Variants in SPINT2 observed in about 807,000 individuals in gnomAD.
SPINT2 encodes the protein kunitz-type protease inhibitor 2.
In SPINT2, 18 loss-of-function variants were observed where a neutral mutation model predicts 30.1. The ratio of observed to expected loss-of-function variants is 0.60; its 90% CI spans 0.41 to 0.89. The LOEUF (loss-of-function observed/expected upper bound fraction) is 0.89, where lower values mean the gene tolerates loss of function less well. Ranked by LOEUF, SPINT2 falls within the 40% of genes least tolerant of loss-of-function variation. SPINT2 has a pLI of 0.00. For synonymous variants in SPINT2, 139 were observed against 137.9 expected (o/e 1.01, Z -0.05); for missense variants, 276 against 334.3 (o/e 0.83, Z 1.36).
intron 1 of SPINT2, among the ~76,000 whole-genome samples, chr19:38,282,768 G>A (rs144571323): frequency 9.0e-4 from 137 of 152,338 alleles, no homozygotes; most frequent in Non-Finnish European, 1.4e-3. Flanking sequence ...GCAGGCACTC[G>A]AGTTAAGAAG....
intron 1 of SPINT2, among the ~76,000 whole-genome samples, chr19:38,279,891 T>G (rs566292088): frequency 6.6e-6 from 1 of 152,288 alleles, no homozygotes; most frequent in South Asian, 2.1e-4. Flanking sequence ...TGACCTCAGG[T>G]GATCCGCCCA....
chr19:38,276,368 C>T (rs1360007690), intron 1 of SPINT2, among the ~76,000 whole-genome samples: 1 of 151,956 alleles, frequency 6.6e-6, no homozygotes, highest in South Asian at 2.1e-4. Context: ...TGGGGCCAGG[C>T]GTGGTGGCTC....
At chr19:38,289,737 C>A in intron 4 of SPINT2, 1 of 330,380 alleles carries the variant, frequency 3.0e-6, no homozygotes, top group Non-Finnish European at 5.8e-6. Context: ...TAGCCTGGCA[C>A]GTGGCTCTGC....
At chr19:38,277,355 C>T (rs1251976654) in intron 1 of SPINT2, among the ~76,000 whole-genome samples, 3 of 152,066 alleles carry the variant, frequency 2.0e-5, no homozygotes, top group African/African-American at 7.2e-5. Context: ...GGTGATCCTC[C>T]TACCTTAGCC....
chr19:38,274,206 A>T (rs892500664), intron 1 of SPINT2, among the ~76,000 whole-genome samples: 2 of 150,344 alleles, frequency 1.3e-5, no homozygotes, highest in Admixed American at 1.3e-4. Context: ...AGCCTGGGTG[A>T]CAGGGCAAGT....
chr19:38,290,181 G>A lies in SPINT2; in HGVS notation c.454G>A (p.Asp152Asn). The A allele has an allele frequency of 1.9e-6, 3 of 1,612,638 alleles. No homozygotes were observed. Among genetic ancestry groups the A allele is most frequent in the Non-Finnish European group, 2.5e-6 (3 of 1,180,040 alleles). The change falls in exon 5 of 7, where the codon GAC becomes AAC. Residue 152 changes from aspartate (D) to asparagine (N), a missense_variant. Asp to Asn is a conservative substitution (Grantham distance 23). Transcript: ENST00000301244. This position sits in a 1 kb window ranked among gnomAD's most constrained non-coding sequence, Gnocchi z 4.3. ...TGCATCCTTCCCACGCTGGTACTTT[G>A]ACGTGGAGAGGAACTCCTGCAATAA... ...CRASFPRWYF[D>N]VERNSCNNFI...
Position 38,292,111 on chromosome 19 carries a change from C to T in SPINT2, c.*105C>T. 1 of 1,481,698 alleles carries T rather than the reference C, an allele frequency of 6.7e-7. No homozygotes were observed. The highest frequency in any genetic ancestry group is 9.1e-7 in the Non-Finnish European group (1 of 1,093,748). 91.8% of individuals were successfully genotyped at this position (1,481,698 alleles called of 1,614,324 possible). On this transcript the variant is annotated 3_prime_UTR_variant, in exon 7 of 7. Coordinates refer to ENST00000301244, the MANE Select transcript of SPINT2 (RefSeq NM_021102.4). ...TTTGAGTGATCATTAGGGCTGAGGT[C>T]TGTTTCTCTGGGAGGTAGGACGGCT...
At chr19:38,291,598 C>A (rs890015049) in intron 6 of SPINT2, 3 of 535,722 alleles carry the variant, frequency 5.6e-6, no homozygotes, top group Admixed American at 3.2e-5. Flanking sequence ...ACTCTGCTGG[C>A]GACACGGCCA....
intron 1 of SPINT2, among the ~76,000 whole-genome samples, chr19:38,279,709 G>A (rs1176066873): frequency 2.6e-5 from 4 of 151,926 alleles, no homozygotes; most frequent in African/African-American, 9.7e-5. Context: ...GCTGGAGTGC[G>A]ATGGCAAGAT....
At chr19:38,283,587 TTGC>T in intron 1 of SPINT2, 37 bp from the exon 2 acceptor site, 1 of 1,612,930 alleles carries the variant, frequency 6.2e-7, no homozygotes, top group Non-Finnish European at 8.5e-7. Flanking sequence ...GTTGCCAGGA[TTGC>T]CCTGCCAAGC....
At chr19:38,280,696 G>A (rs753224838) in intron 1 of SPINT2, among the ~76,000 whole-genome samples, 7 of 151,926 alleles carry the variant, frequency 4.6e-5, no homozygotes, top group Non-Finnish European at 5.9e-5. Context: ...CCTTACTTAC[G>A]AAGTTACCGA....
intron 2 of SPINT2, 101 bp downstream of exon 2, chr19:38,283,898 G>T: frequency 1.5e-6 from 2 of 1,375,072 alleles, no homozygotes; most frequent in Non-Finnish European, 2.0e-6. Context: ...CTGGAGTGCA[G>T]TGGCGCGATC....
intron 1 of SPINT2, among the ~76,000 whole-genome samples, chr19:38,270,370 A>C (rs1479895878): frequency 6.6e-6 from 1 of 152,232 alleles, no homozygotes; most frequent in Non-Finnish European, 1.5e-5. Context: ...TCACTGATAT[A>C]GTCAGCAAAT....
chr19:38,279,064 C>G (rs1330675139), intron 1 of SPINT2, among the ~76,000 whole-genome samples: 1 of 151,978 alleles, frequency 6.6e-6, no homozygotes, highest in Non-Finnish European at 1.5e-5. Context: ...CGAGGAGCTT[C>G]CTTCCATACT....
chr19:38,285,004 C>T (rs1381451109), intron 2 of SPINT2, among the ~76,000 whole-genome samples: 1 of 152,170 alleles, frequency 6.6e-6, no homozygotes, highest in Non-Finnish European at 1.5e-5. Context: ...GTGTAAGCCA[C>T]CGCACCTGGC....
At chr19:38,279,101 G>T (rs1321141188) in intron 1 of SPINT2, among the ~76,000 whole-genome samples, 2 of 151,800 alleles carry the variant, frequency 1.3e-5, no homozygotes, top group East Asian at 3.9e-4. Context: ...TCTTAACATA[G>T]TAAGGACATG....
Position 38,264,799 on chromosome 19 carries a change from C to G in SPINT2, c.-94C>G, listed in dbSNP as rs539672572. The G allele has an allele frequency of 9.1e-5, 122 of 1,336,138 alleles. 2 individuals carry two copies. The South Asian group carries it at 1.5e-3, about 17-fold the overall frequency. The allele number at this position is 1,336,138 out of a possible 1,614,324, so 82.8% of individuals were successfully genotyped here. A position where few individuals can be genotyped will look rare whatever the true frequency, so the allele number is the denominator to read the frequency against. On this transcript the variant is annotated 5_prime_UTR_variant, in exon 1 of 7. Coordinates refer to ENST00000301244, the MANE Select transcript of SPINT2 (RefSeq NM_021102.4). ...AGCGTCGGCACCTGAACGCGAGGCG[C>G]TCCATTGCGCGTGCGCGTTGAGGGG... is the stretch of plus-strand genomic sequence containing the variant.
chr19:38,275,182 T>C (rs12610606), intron 1 of SPINT2, among the ~76,000 whole-genome samples: 22,035 of 152,226 alleles, frequency 0.14, 1,906 homozygotes, highest in East Asian at 0.37. Context: ...AAACTCCCCT[T>C]AGAAATTCTT....
At chr19:38,285,016 G>A (rs979778129) in intron 2 of SPINT2, among the ~76,000 whole-genome samples, 14 of 152,142 alleles carry the variant, frequency 9.2e-5, no homozygotes, top group Admixed American at 3.9e-4. Context: ...GCACCTGGCC[G>A]CTATTTGGGT....
Sources: gnomAD v4.1 joint callset for allele counts (sites outside exome capture counted in the v4.1 genomes callset) on GRCh38, gnomAD v4.1.1 for gene constraint, Gnocchi (gnomAD v3.1) non-coding constraint, MANE v1.5 for transcripts, NCBI Gene and HGNC (gene_info 2026-07-23, HGNC 2026-07-21) for gene names.